Variants in FHOD3 observed in about 807,000 individuals in gnomAD.
The protein encoded by FHOD3 is FH1/FH2 domain-containing protein 3.
FHOD3 carries 90 observed loss-of-function variants against 173.0 expected under a neutral mutation model. The observed-to-expected ratio is 0.52, with a 90% confidence interval of 0.44 to 0.62. FHOD3 has a LOEUF of 0.62. Among genes scored for constraint, FHOD3 ranks in the 20% least tolerant of loss-of-function variants. The pLI is 0.00. For missense variants in FHOD3, 1,945 were observed against 2,034.7 expected (o/e 0.96, Z 0.85); for synonymous variants, 828 against 823.0 (o/e 1.01, Z -0.10).
At chr18:36,766,546 G>T (rs1271787764) in intron 27 of FHOD3, among the ~76,000 whole-genome samples, 2 of 152,166 alleles carry the variant, frequency 1.3e-5, no homozygotes, top group Non-Finnish European at 2.9e-5. Context: ...TGGGTGCAAG[G>T]GTTCCAGGAA....
At chr18:36,509,399 C>A (rs1254745662) in intron 4 of FHOD3, among the ~76,000 whole-genome samples, 1 of 142,118 alleles carries the variant, frequency 7.0e-6, no homozygotes, top group African/African-American at 2.8e-5. Flanking sequence ...TGCATTCCAG[C>A]CTAGGCAACA....
intron 3 of FHOD3, among the ~76,000 whole-genome samples, chr18:36,485,217 G>A (rs2054133437): frequency 6.6e-6 from 1 of 152,168 alleles, no homozygotes; most frequent in Non-Finnish European, 1.5e-5. Flanking sequence ...CACATTCTCT[G>A]CCTGAAATAG....
chr18:36,556,074 A>G (rs1311803198), intron 5 of FHOD3, among the ~76,000 whole-genome samples: 1 of 151,790 alleles, frequency 6.6e-6, no homozygotes, highest in African/African-American at 2.4e-5. Flanking sequence ...TCATTTTACT[A>G]TTTGTTTGCT....
intron 14 of FHOD3, among the ~76,000 whole-genome samples, chr18:36,659,737 G>T (rs2036654869): frequency 6.6e-6 from 1 of 152,174 alleles, no homozygotes. Flanking sequence ...AAGTTATACA[G>T]ACAGGGGTCC....
chr18:36,528,201 G>A (rs2056617129), intron 5 of FHOD3, among the ~76,000 whole-genome samples: 1 of 152,172 alleles, frequency 6.6e-6, no homozygotes, highest in Non-Finnish European at 1.5e-5. Flanking sequence ...ACTAGGATAA[G>A]ACAGAGAAGT....
At chr18:36,583,775 C>A (rs977476792) in intron 6 of FHOD3, among the ~76,000 whole-genome samples, 1 of 152,016 alleles carries the variant, frequency 6.6e-6, no homozygotes, top group Non-Finnish European at 1.5e-5. Flanking sequence ...TGACAATTTG[C>A]TAAAACTATT....
chr18:36,534,927 C>T lies in FHOD3; in HGVS notation c.511+22384C>T, dbSNP rs913159860. Among the ~76,000 whole-genome samples the T allele has an allele frequency of 6.6e-5, 10 of 152,324 alleles. 1 individual carries two copies. Among genetic ancestry groups the T allele is most frequent in the Admixed American group, 5.9e-4 (9 of 15,298 alleles). ...ACTCAGGAACATCTGCCTAAGTTTACCCCACCATGGGGGCAGAGGCCCTAC... is the reference window on the plus strand; with the variant it reads ...ACTCAGGAACATCTGCCTAAGTTTATCCCACCATGGGGGCAGAGGCCCTAC... On this transcript the variant is annotated intron_variant, in intron 5 of 28. Coordinates refer to ENST00000590592, the MANE Select transcript of FHOD3 (RefSeq NM_001281740.3).
intron 27 of FHOD3, 77 bp downstream of exon 27, chr18:36,760,859 C>T: frequency 6.9e-7 from 1 of 1,439,736 alleles, no homozygotes; most frequent in Non-Finnish European, 9.3e-7. Flanking sequence ...CCATCGCAGG[C>T]TGCGGTCCAC....
chr18:36,418,851 T>TG (rs1295001551), intron 3 of FHOD3, among the ~76,000 whole-genome samples: 1 of 152,056 alleles, frequency 6.6e-6, no homozygotes, highest in Non-Finnish European at 1.5e-5. Flanking sequence ...GAGGCAGAGG[T>TG]TGCAATGAGC....
chr18:36,690,483 C>G (rs2038895512), intron 16 of FHOD3, among the ~76,000 whole-genome samples: 1 of 152,056 alleles, frequency 6.6e-6, no homozygotes, highest in South Asian at 2.1e-4. Flanking sequence ...CTATTGGGCC[C>G]CATAGCACTT....
intron 4 of FHOD3, among the ~76,000 whole-genome samples, chr18:36,506,147 T>C (rs12456512): frequency 0.3 from 46,194 of 152,154 alleles, 8,399 homozygotes; most frequent in Non-Finnish European, 0.42. Context: ...GATTATGCCA[T>C]GTACTTTCCC....
intron 4 of FHOD3, among the ~76,000 whole-genome samples, chr18:36,509,426 C>CA (rs34772691): frequency 0.075 from 4,040 of 54,114 alleles, 280 homozygotes; most frequent in African/African-American, 0.15. Flanking sequence ...GACTCCATCT[C>CA]AAAAAAAAAA....
intron 25 of FHOD3, among the ~76,000 whole-genome samples, chr18:36,755,949 C>G (rs549032851): frequency 6.6e-6 from 1 of 152,256 alleles, no homozygotes; most frequent in South Asian, 2.1e-4. Flanking sequence ...GTCTCCCCTG[C>G]TCCCGGGCTC....
chr18:36,563,380 G>T (rs1240260947), intron 5 of FHOD3, among the ~76,000 whole-genome samples: 1 of 152,200 alleles, frequency 6.6e-6, no homozygotes, highest in Non-Finnish European at 1.5e-5. Flanking sequence ...CACCCCCGCA[G>T]GGGCTTTCGA....
intron 5 of FHOD3, among the ~76,000 whole-genome samples, chr18:36,546,758 G>A (rs755344721): frequency 6.6e-6 from 1 of 152,212 alleles, no homozygotes; most frequent in East Asian, 1.9e-4. Flanking sequence ...TTGGAGTGAT[G>A]TTACCAGAGC....
intron 17 of FHOD3, among the ~76,000 whole-genome samples, chr18:36,704,320 AAGAC>A (rs1309680589): frequency 6.6e-6 from 1 of 152,180 alleles, no homozygotes; most frequent in Non-Finnish European, 1.5e-5. Flanking sequence ...GTGACCCAGG[AAGAC>A]AGATCCCAGT....
intron 6 of FHOD3, among the ~76,000 whole-genome samples, chr18:36,581,367 C>T (rs1173099928): frequency 6.6e-6 from 1 of 152,222 alleles, no homozygotes; most frequent in Non-Finnish European, 1.5e-5. Context: ...TCTATGGATC[C>T]TCTTTTGGCC....
At chr18:36,434,155 T>C (rs2147294196) in intron 3 of FHOD3, among the ~76,000 whole-genome samples, 1 of 152,358 alleles carries the variant, frequency 6.6e-6, no homozygotes, top group East Asian at 1.9e-4. Context: ...TATGTTTGCC[T>C]ATCTGAAGAT....
intron 3 of FHOD3, among the ~76,000 whole-genome samples, chr18:36,458,818 G>C (rs573508614): frequency 4.6e-5 from 7 of 152,054 alleles, no homozygotes; most frequent in African/African-American, 1.7e-4. Flanking sequence ...ATATATTTTA[G>C]TACTTTCCAG....
Sources: allele counts gnomAD v4.1 joint callset (sites outside exome capture counted in the v4.1 genomes callset), GRCh38; gene constraint gnomAD v4.1.1; transcripts MANE v1.5; gene names NCBI Gene and HGNC (gene_info 2026-07-23, HGNC 2026-07-21).